The following PCDHGA7 variants were observed in gnomAD, a reference collection of about 807,000 sequenced individuals.
PCDHGA7 encodes the protein protocadherin gamma-A7.
Under a neutral mutation model 58.3 loss-of-function variants are expected in PCDHGA7, and 44 were observed. The ratio of observed to expected loss-of-function variants is 0.75; its 90% CI spans 0.59 to 0.97. PCDHGA7 has a LOEUF of 0.97. Among genes scored for constraint, PCDHGA7 ranks in the 50% least tolerant of loss-of-function variants. The pLI is 0.00. For synonymous variants in PCDHGA7, 516 were observed against 504.2 expected, an observed-to-expected ratio of 1.02 and a Z score of -0.31; for missense variants, 1,266 against 1,188.7, an observed-to-expected ratio of 1.06 and a Z score of -0.96.
intron 1 of PCDHGA7, chr5:141,419,981 AT>A (rs1205154474): frequency 1.2e-6 from 2 of 1,614,052 alleles, no homozygotes; most frequent in Admixed American, 3.3e-5. Flanking sequence ...CCTCGCGGTG[AT>A]TCTAGCTATT....
chr5:141,405,760 G>T (rs1048838050), intron 1 of PCDHGA7, among the ~76,000 whole-genome samples: 2 of 152,148 alleles, frequency 1.3e-5, no homozygotes, highest in East Asian at 3.9e-4. Context: ...TTACAGGCGT[G>T]AGCCACTGCG....
In PCDHGA7 at chr5:141,462,600, A is replaced by G. The variant is rs2154567827; in HGVS notation, c.2425-32207A>G. ...ATCCAGTGAAGTTTCCATTTCATAT[A>G]TTGTATTTTTCACTTTTAGAAGTTC... is the stretch of plus-strand genomic sequence containing the variant. On this transcript the variant is annotated intron_variant, in intron 1 of 3. Coordinates refer to ENST00000518325, the MANE Select transcript of PCDHGA7 (RefSeq NM_018920.4). Among the ~76,000 whole-genome samples, 6 of 152,076 alleles carry G rather than the reference A, an allele frequency of 3.9e-5. No homozygotes were observed. In the Middle Eastern group the frequency reaches 0.014, roughly 345 times the overall value.
intron 1 of PCDHGA7, chr5:141,478,355 G>A: frequency 6.2e-7 from 1 of 1,613,742 alleles, no homozygotes; most frequent in Non-Finnish European, 8.5e-7. Context: ...CGCGGACGCC[G>A]TGCGGGGAGG....
At chr5:141,406,474 T>TA (rs1309995681) in intron 1 of PCDHGA7, among the ~76,000 whole-genome samples, 1 of 152,248 alleles carries the variant, frequency 6.6e-6, no homozygotes, top group Non-Finnish European at 1.5e-5. Flanking sequence ...TCTTTGAGGT[T>TA]ATATTTTTCA....
intron 1 of PCDHGA7, among the ~76,000 whole-genome samples, chr5:141,407,170 AC>A (rs2154538102): frequency 6.6e-6 from 1 of 152,368 alleles, no homozygotes; most frequent in Admixed American, 6.5e-5. Flanking sequence ...ATCCTTTATG[AC>A]ATACAGACAT....
At chr5:141,405,364 C>T in intron 1 of PCDHGA7, 1 of 1,613,548 alleles carries the variant, frequency 6.2e-7, no homozygotes, top group Non-Finnish European at 8.5e-7. Flanking sequence ...TAGAAGACAC[C>T]CCTTTGGTTC....
Position 141,491,078 on chromosome 5 carries a change from C to G in PCDHGA7, c.2425-3729C>G, listed in dbSNP as rs1386717886. The G allele has an allele frequency of 5.6e-6, 9 of 1,614,194 alleles. No homozygotes were observed. Among genetic ancestry groups the G allele is most frequent in the East Asian group, 4.5e-5 (2 of 44,882 alleles). ...CTCTCCTACTCACTGTTGCCACAGTCCACAGCCCCAGGACTGTTCCTCGTG... is the reference window on the plus strand; with the variant it reads ...CTCTCCTACTCACTGTTGCCACAGTGCACAGCCCCAGGACTGTTCCTCGTG... On this transcript the variant is annotated intron_variant, in intron 1 of 3. Transcript: ENST00000518325. This position sits in a 1 kb window ranked among gnomAD's most constrained non-coding sequence, Gnocchi z 6.9.
Position 141,490,703 on chromosome 5 carries a change from G to GCCT in PCDHGA7, c.2425-4102_2425-4100dup. 6.2e-7 allele frequency: 1 copy of GCCT among 1,614,110 alleles called. No individual in the cohort carries two copies. The highest frequency in any genetic ancestry group is 8.5e-7 in the Non-Finnish European group (1 of 1,180,000). Reference sequence around the variant, plus strand: ...GATCCAGACACTGGGGATAATGCCCGCCTCACCTACTCCATTGTAGGAAAT... The same window carrying GCCT: ...GATCCAGACACTGGGGATAATGCCCGCCTCCTCACCTACTCCATTGTAGGAAAT... On this transcript the variant is annotated intron_variant, in intron 1 of 3. Transcript: ENST00000518325. This position sits in a 1 kb window ranked among gnomAD's most constrained non-coding sequence, Gnocchi z 5.4.
intron 1 of PCDHGA7, among the ~76,000 whole-genome samples, chr5:141,464,984 C>T (rs1345385418): frequency 1.3e-5 from 2 of 152,034 alleles, no homozygotes; most frequent in Non-Finnish European, 2.9e-5. Flanking sequence ...TCAAGTGATC[C>T]TCCCACCTCA....
chr5:141,432,991 C>G lies in PCDHGA7; in HGVS notation c.2424+47668C>G, dbSNP rs1269992849. ...CGGCGTCGCACTTTGTGGGCGTGGACGGGGTGCAGGCTTTCCTGCAGACCT... is the reference window on the plus strand; with the variant it reads ...CGGCGTCGCACTTTGTGGGCGTGGAGGGGGTGCAGGCTTTCCTGCAGACCT... On this transcript the variant is annotated intron_variant, in intron 1 of 3. Transcript: ENST00000518325. The surrounding 1 kb of genome is among the most constrained non-coding windows in gnomAD (Gnocchi z 6.0). The G allele has an allele frequency of 6.2e-7, 1 of 1,614,200 alleles. No homozygotes were observed. Among genetic ancestry groups the G allele is most frequent in the Admixed American group, 1.7e-5 (1 of 60,032 alleles).
Position 141,385,101 on chromosome 5 carries a change from C to T in PCDHGA7, c.2202C>T (p.Asn734=), listed in dbSNP as rs1373310406. 1 of 1,614,078 alleles carries T rather than the reference C, an allele frequency of 6.2e-7. No individual in the cohort carries two copies. The highest frequency in any genetic ancestry group is 1.7e-5 in the Admixed American group (1 of 60,014). Residue 734 remains asparagine (N), a synonymous_variant, in exon 1 of 4, where the codon AAC becomes AAT. Coordinates refer to ENST00000518325, the MANE Select transcript of PCDHGA7 (RefSeq NM_018920.4). The part of the protein sequence containing the change: ...LLQASEGGLA[N]VPTSHFVGMD... Reference sequence around the variant, plus strand: ...AGGCTTCAGAAGGTGGCTTGGCGAACGTGCCCACCTCGCACTTTGTGGGCA... The same window carrying T: ...AGGCTTCAGAAGGTGGCTTGGCGAATGTGCCCACCTCGCACTTTGTGGGCA...
intron 1 of PCDHGA7, among the ~76,000 whole-genome samples, chr5:141,465,538 A>AT (rs2099105284): frequency 6.6e-6 from 1 of 152,112 alleles, no homozygotes; most frequent in Non-Finnish European, 1.5e-5. Context: ...TTTCCCAGGC[A>AT]TTTTTTCTGC....
chr5:141,486,138 C>T lies in PCDHGA7; in HGVS notation c.2425-8669C>T. On this transcript the variant is annotated intron_variant, in intron 1 of 3. Transcript: ENST00000518325. This position sits in a 1 kb window ranked among gnomAD's most constrained non-coding sequence, Gnocchi z 5.0. ...AATTACTATGAATTTGATGTGCGGG[C>T]TCGCGATGGGGGTTCTCCAGCCATG... The T allele has an allele frequency of 6.2e-7, 1 of 1,614,212 alleles. No individual in the cohort carries two copies. The highest frequency in any genetic ancestry group is 1.3e-5 in the African/African-American group (1 of 75,052).
rs1562142740 is a variant in PCDHGA7, at chr5:141,490,958, ACT to A, written c.2425-3847_2425-3846del. 1 of 1,613,728 alleles carries A rather than the reference ACT, an allele frequency of 6.2e-7. No homozygotes were observed. Among genetic ancestry groups the A allele is most frequent in the Non-Finnish European group, 8.5e-7 (1 of 1,179,830 alleles). On this transcript the variant is annotated intron_variant, in intron 1 of 3. Transcript: ENST00000518325. The surrounding 1 kb of genome is among the most constrained non-coding windows in gnomAD (Gnocchi z 5.4). Reference sequence around the variant, plus strand: ...CTGCACCCACGGCCAGACTGGGAACACTCAGCCCCCCAGCGTCTCCCTCGCTC... The same window carrying A: ...CTGCACCCACGGCCAGACTGGGAACACAGCCCCCCAGCGTCTCCCTCGCTC...
intron 1 of PCDHGA7, chr5:141,388,021 T>G (rs933819691): frequency 6.9e-7 from 1 of 1,457,968 alleles, no homozygotes; most frequent in Non-Finnish European, 9.3e-7. Flanking sequence ...AAGGGCTCCG[T>G]AGTGGGGAAC....
At chr5:141,419,004 T>C in intron 1 of PCDHGA7, 1 of 1,613,886 alleles carries the variant, frequency 6.2e-7, no homozygotes, top group Non-Finnish European at 8.5e-7. Context: ...AATGGGGAAG[T>C]CAGGTGTAGC....
At chr5:141,458,437 C>T (rs777855535) in intron 1 of PCDHGA7, among the ~76,000 whole-genome samples, 1 of 152,026 alleles carries the variant, frequency 6.6e-6, no homozygotes, top group Non-Finnish European at 1.5e-5. Flanking sequence ...AGAGGAGGTC[C>T]CCCACATTAA....
rs2095058812 is a variant in PCDHGA7 at position 141,408,208 on chromosome 5, A to T, written c.2424+22885A>T. ...AGCGAGAACCCGAGCGAACGATGGGAGGGAGCTGCGCGCAGAGGCGCCGGG... is the reference window on the plus strand; with the variant it reads ...AGCGAGAACCCGAGCGAACGATGGGTGGGAGCTGCGCGCAGAGGCGCCGGG... On this transcript the variant is annotated intron_variant, in intron 1 of 3. Transcript: ENST00000518325. The T allele has an allele frequency of 1.9e-6, 3 of 1,553,236 alleles. No homozygotes were observed. The East Asian group carries it at 7.3e-5, about 38-fold the overall frequency.
chr5:141,426,676 A>T (rs1209949988), intron 1 of PCDHGA7: 4 of 431,700 alleles, frequency 9.3e-6, no homozygotes, highest in Non-Finnish European at 1.9e-5. Context: ...AACCCACCTC[A>T]TTTTCCCCAA....
Sources: allele counts gnomAD v4.1 joint callset (sites outside exome capture counted in the v4.1 genomes callset), GRCh38; gene constraint gnomAD v4.1.1; non-coding constraint Gnocchi (gnomAD v3.1); transcripts MANE v1.5; gene names NCBI Gene and HGNC (gene_info 2026-07-23, HGNC 2026-07-21).